The following SPOCK1 variants were observed in gnomAD, a reference collection of about 807,000 sequenced individuals.
The protein encoded by SPOCK1 is testican-1.
SPOCK1 carries 23 observed loss-of-function variants against 55.3 expected under a neutral mutation model. The ratio of observed to expected loss-of-function variants is 0.42; its 90% confidence interval spans 0.30 to 0.59. The LOEUF (loss-of-function observed/expected upper bound fraction) is 0.59. Among genes scored for constraint, SPOCK1 ranks in the 20% least tolerant of loss-of-function variants. The pLI, the probability that SPOCK1 is intolerant of heterozygous loss-of-function variation, is 0.22. For missense variants in SPOCK1, 499 were observed against 552.5 expected (o/e 0.90, Z 0.97); for synonymous variants, 226 against 221.0 (o/e 1.02, Z -0.20).
chr5:137,463,722 G>A (rs1376225632), intron 2 of SPOCK1, among the ~76,000 whole-genome samples: 1 of 152,024 alleles, frequency 6.6e-6, no homozygotes, highest in Non-Finnish European at 1.5e-5. Flanking sequence ...GGCCAAGGTG[G>A]GTGGATCACA....
At chr5:137,276,441 C>T (rs1413023062) in intron 2 of SPOCK1, among the ~76,000 whole-genome samples, 1 of 152,252 alleles carries the variant, frequency 6.6e-6, no homozygotes, top group Non-Finnish European at 1.5e-5. Context: ...GAACTGCTCA[C>T]ACTGTAGAAG....
At chr5:137,020,194 G>GA (rs532898847) in intron 6 of SPOCK1, among the ~76,000 whole-genome samples, 162 of 147,546 alleles carry the variant, frequency 1.1e-3, no homozygotes, top group Non-Finnish European at 1.3e-3. Flanking sequence ...ATAACAGAAT[G>GA]AAAAAAAAAC....
chr5:137,209,298 C>T (rs1008339881), intron 3 of SPOCK1, among the ~76,000 whole-genome samples: 4 of 152,078 alleles, frequency 2.6e-5, no homozygotes, highest in South Asian at 2.1e-4. Context: ...TTGGGTAATT[C>T]GAAGCTATTA....
chr5:137,322,368 T>A (rs1757996539), intron 2 of SPOCK1, among the ~76,000 whole-genome samples: 1 of 147,868 alleles, frequency 6.8e-6, no homozygotes, highest in Non-Finnish European at 1.5e-5. Flanking sequence ...CACACAAAAC[T>A]CACTGGTAAA....
At chr5:137,366,121 C>T (rs1218310521) in intron 2 of SPOCK1, among the ~76,000 whole-genome samples, 4 of 152,132 alleles carry the variant, frequency 2.6e-5, no homozygotes, top group African/African-American at 9.7e-5. Context: ...AGGAAACAGA[C>T]AAAAATCTGG....
intron 2 of SPOCK1, among the ~76,000 whole-genome samples, chr5:137,279,959 T>A (rs1381002899): frequency 1.3e-5 from 2 of 152,188 alleles, no homozygotes; most frequent in African/African-American, 4.8e-5. Flanking sequence ...TTTCCTTTGT[T>A]AAATAAGTAA....
At chr5:137,130,689 G>A (rs1237627815) in intron 4 of SPOCK1, among the ~76,000 whole-genome samples, 1 of 152,324 alleles carries the variant, frequency 6.6e-6, no homozygotes, top group Admixed American at 6.5e-5. Flanking sequence ...CTTTCCTTCA[G>A]GTCAATGTCA....
intron 5 of SPOCK1, among the ~76,000 whole-genome samples, chr5:137,104,482 C>T (rs1753328225): frequency 6.6e-6 from 1 of 152,182 alleles, no homozygotes; most frequent in South Asian, 2.1e-4. Context: ...ATAAAATCTA[C>T]CACCCAAATG....
chr5:137,267,408 G>A (rs570421985), intron 2 of SPOCK1, among the ~76,000 whole-genome samples: 1 of 152,292 alleles, frequency 6.6e-6, no homozygotes, highest in Admixed American at 6.5e-5. Context: ...TCTCAGTTAT[G>A]ATTAAGCCTC....
intron 2 of SPOCK1, among the ~76,000 whole-genome samples, chr5:137,355,543 C>G (rs985712897): frequency 6.6e-6 from 1 of 152,174 alleles, no homozygotes; most frequent in Non-Finnish European, 1.5e-5. Context: ...ATAGTATCAT[C>G]TCAAAGAGCA....
At chr5:137,189,378 G>A (rs1040498660) in intron 3 of SPOCK1, among the ~76,000 whole-genome samples, 11 of 152,210 alleles carry the variant, frequency 7.2e-5, no homozygotes, top group Non-Finnish European at 1.5e-4. Context: ...TTAAGTTGAA[G>A]CCAGTGCTCA....
intron 2 of SPOCK1, among the ~76,000 whole-genome samples, chr5:137,395,557 T>C (rs1481271921): frequency 6.6e-6 from 1 of 152,172 alleles, no homozygotes; most frequent in Non-Finnish European, 1.5e-5. Flanking sequence ...TGGTGACTCA[T>C]TCCCAACTGA....
At chr5:137,255,744 G>C (rs1344608253) in intron 3 of SPOCK1, among the ~76,000 whole-genome samples, 1 of 152,204 alleles carries the variant, frequency 6.6e-6, no homozygotes, top group Non-Finnish European at 1.5e-5. Context: ...AGCTAGAGCA[G>C]AGTTCAGGGC....
At chr5:137,020,735 T>C (rs998538409) in intron 6 of SPOCK1, among the ~76,000 whole-genome samples, 3 of 151,550 alleles carry the variant, frequency 2.0e-5, no homozygotes, top group African/African-American at 4.8e-5. Context: ...GACAACCCAA[T>C]ACAAAAATCA....
intron 9 of SPOCK1, among the ~76,000 whole-genome samples, chr5:136,982,473 CTTACTAAGTTTTCT>C (rs1750751515): frequency 6.6e-6 from 1 of 152,152 alleles, no homozygotes; most frequent in Non-Finnish European, 1.5e-5. Context: ...CTGTTTCCTA[CTTACTAAGTTTTCT>C]TTATACCTTG....
chr5:137,368,701 T>C (rs1041385108), intron 2 of SPOCK1, among the ~76,000 whole-genome samples: 30 of 152,292 alleles, frequency 2.0e-4, no homozygotes, highest in African/African-American at 7.2e-4. Flanking sequence ...GGCTTTTGTC[T>C]GGGGCTGCTG....
chr5:137,366,907 T>C (rs1368251146), intron 2 of SPOCK1, among the ~76,000 whole-genome samples: 1 of 152,104 alleles, frequency 6.6e-6, no homozygotes, highest in Non-Finnish European at 1.5e-5. Flanking sequence ...TCAGACCAAG[T>C]AACTGAGAAG....
At chr5:137,468,940 T>C (rs1038565666) in intron 2 of SPOCK1, among the ~76,000 whole-genome samples, 1 of 152,014 alleles carries the variant, frequency 6.6e-6, no homozygotes, top group African/African-American at 2.4e-5. Context: ...CCCATGATAA[T>C]GGGTGAAGGG....
intron 2 of SPOCK1, among the ~76,000 whole-genome samples, chr5:137,353,197 T>C (rs973500387): frequency 2.6e-5 from 4 of 152,062 alleles, no homozygotes; most frequent in East Asian, 1.9e-4. Flanking sequence ...ATGGGCAATA[T>C]GGCAAAACTC....
Sources: gnomAD v4.1 joint callset for allele counts (sites outside exome capture counted in the v4.1 genomes callset) on GRCh38, gnomAD v4.1.1 for gene constraint, MANE v1.5 for transcripts, NCBI Gene and HGNC (gene_info 2026-07-23, HGNC 2026-07-21) for gene names.